Variants in FHIP1A observed in about 807,000 individuals in gnomAD.
The protein encoded by FHIP1A is FHF complex subunit HOOK-interacting protein 1A.
A neutral mutation model predicts 88.6 loss-of-function variants in FHIP1A; 61 were observed. The ratio of observed to expected loss-of-function variants is 0.69; its 90% CI spans 0.56 to 0.85. FHIP1A has a LOEUF of 0.85. Ranked by LOEUF, FHIP1A falls within the 40% of genes least tolerant of loss-of-function variation. FHIP1A has a pLI of 0.00. For synonymous variants in FHIP1A, 478 were observed against 496.0 expected, an observed-to-expected ratio of 0.96 and a Z score of 0.48; for missense variants, 1,154 against 1,273.5, an observed-to-expected ratio of 0.91 and a Z score of 1.43.
chr4:151,638,766 CT>C lies in FHIP1A; in HGVS notation c.1226+16del. On this transcript the variant is annotated intron_variant, in intron 9 of 13. Coordinates refer to ENST00000435205, the MANE Select transcript of FHIP1A (RefSeq NM_001109977.3). The stretch of plus-strand genomic sequence containing the variant: ...TACAGCTAGTTCTAAGGTGAGTTGC[CT>C]TTTTTGTTTCCTTTAAAGAAAAATT... 5 of 1,511,278 alleles carry C rather than the reference CT, an allele frequency of 3.3e-6. No individual in the cohort carries two copies. The highest frequency in any genetic ancestry group is 2.7e-6 in the Non-Finnish European group (3 of 1,117,076). 93.6% of individuals were successfully genotyped at this position (1,511,278 alleles called of 1,614,324 possible). A position where few individuals can be genotyped will look rare whatever the true frequency, so the allele number is the denominator to read the frequency against.
chr4:151,412,665 T>TTC (rs199893682), intron 1 of FHIP1A, among the ~76,000 whole-genome samples: 11,050 of 118,502 alleles, frequency 0.093, 697 homozygotes, highest in African/African-American at 0.11. Context: ...CTTTCTTTCT[T>TTC]TCTCTCTCTC....
chr4:151,583,266 C>T (rs1734089919), intron 5 of FHIP1A, among the ~76,000 whole-genome samples: 1 of 152,212 alleles, frequency 6.6e-6, no homozygotes, highest in Admixed American at 6.5e-5. Flanking sequence ...AATATTTTCT[C>T]CCCTGTTTCT....
At chr4:151,506,617 C>CT (rs1270834858) in intron 3 of FHIP1A, among the ~76,000 whole-genome samples, 3 of 151,936 alleles carry the variant, frequency 2.0e-5, no homozygotes, top group Non-Finnish European at 2.9e-5. Context: ...GAGTACCGGG[C>CT]TTTTTTTAAC....
At chr4:151,507,640 TCTTGG>T (rs1326845845) in intron 3 of FHIP1A, among the ~76,000 whole-genome samples, 1 of 152,242 alleles carries the variant, frequency 6.6e-6, no homozygotes, top group East Asian at 1.9e-4. Flanking sequence ...GGATATGCTT[TCTTGG>T]CTATTAAGTG....
chr4:151,514,409 C>A (rs1408161724), intron 3 of FHIP1A, among the ~76,000 whole-genome samples: 1 of 151,244 alleles, frequency 6.6e-6, no homozygotes, highest in Non-Finnish European at 1.5e-5. Flanking sequence ...GAAGCAAGAG[C>A]AAACACATTC....
At position 151,650,297 on chromosome 4, in the gene FHIP1A, T is replaced by G; in HGVS notation, c.2256T>G (p.Ile752Met). Residue 752 changes from isoleucine to methionine, a missense_variant, in exon 11 of 14, where the codon ATT becomes ATG. Physicochemically the swap from Ile to Met is conservative, Grantham distance 10 (BLOSUM62 1). Coordinates refer to ENST00000435205, the MANE Select transcript of FHIP1A (RefSeq NM_001109977.3). ...CCCACCCGGAGAGCGAGGAGCTCAT[T>G]GCCCAGTATGACCAAATCATTAAAG... ...TAAHPESEEL[I>M]AQYDQIIKEL... The G allele has an allele frequency of 6.4e-7, 1 of 1,551,718 alleles. No individual in the cohort carries two copies. Among genetic ancestry groups the G allele is most frequent in the Non-Finnish European group, 8.7e-7 (1 of 1,146,996 alleles).
chr4:151,429,714 T>C (rs934949790), intron 1 of FHIP1A, among the ~76,000 whole-genome samples: 16 of 151,972 alleles, frequency 1.1e-4, no homozygotes, highest in African/African-American at 3.9e-4. Flanking sequence ...CCAGGTGTAG[T>C]GGCATGTGCC....
At chr4:151,525,993 A>G (rs1219524093) in intron 3 of FHIP1A, among the ~76,000 whole-genome samples, 3 of 152,030 alleles carry the variant, frequency 2.0e-5, no homozygotes, top group Non-Finnish European at 2.9e-5. Context: ...CATCTGTTTA[A>G]CAAAGCACAT....
intron 3 of FHIP1A, among the ~76,000 whole-genome samples, chr4:151,491,427 C>T (rs985498093): frequency 1.1e-4 from 17 of 152,072 alleles, no homozygotes; most frequent in Admixed American, 1.0e-3. Flanking sequence ...AACTCTTTTT[C>T]AGACAAATGC....
chr4:151,656,776 A>G lies in FHIP1A; in HGVS notation c.2747A>G (p.Lys916Arg). The G allele has an allele frequency of 6.4e-7, 1 of 1,551,428 alleles. No homozygotes were observed. Among genetic ancestry groups the G allele is most frequent in the Non-Finnish European group, 8.7e-7 (1 of 1,146,918 alleles). ...TTTTGACAGGTCCTTGCATCTGTGAAAAACAAGATTGAACAGTTTGCTTCT... is the reference window on the plus strand; with the variant it reads ...TTTTGACAGGTCCTTGCATCTGTGAGAAACAAGATTGAACAGTTTGCTTCT... ...RSLYQVLASV[K>R]NKIEQFASVE... The change falls in exon 13 of 14, where the codon AAA becomes AGA. Residue 916 changes from lysine (K) to arginine (R), a missense_variant. Coordinates refer to ENST00000435205, the MANE Select transcript of FHIP1A (RefSeq NM_001109977.3). This position sits in a 1 kb window ranked among gnomAD's most constrained non-coding sequence, Gnocchi z 4.2.
rs1217792211 is a variant in FHIP1A at position 151,577,940 on chromosome 4, C to T, written c.596C>T (p.Ser199Phe). ...DQGAANFLIF[S>F]LLIPFIHREG... ...GGCGCTGCCAACTTCCTCATCTTCT[C>T]CCTTCTGATTCCCTTCATTCACCGA... The change falls in exon 5 of 14, where the codon TCC becomes TTC. Residue 199 changes from serine (S) to phenylalanine (F), a missense_variant. By Grantham distance (155) the Ser-to-Phe change is radical. Transcript: ENST00000435205. The T allele has an allele frequency of 1.3e-6, 2 of 1,551,620 alleles. No homozygotes were observed. Among genetic ancestry groups the T allele is most frequent in the South Asian group, 2.4e-5 (2 of 84,030 alleles).
chr4:151,546,005 T>C (rs769251725), intron 3 of FHIP1A, among the ~76,000 whole-genome samples: 10 of 152,116 alleles, frequency 6.6e-5, no homozygotes. Context: ...CTTCTGGGTG[T>C]GTCTGTGCGG....
intron 3 of FHIP1A, among the ~76,000 whole-genome samples, chr4:151,518,902 G>A (rs749068298): frequency 6.6e-6 from 1 of 151,882 alleles, no homozygotes; most frequent in Non-Finnish European, 1.5e-5. Flanking sequence ...GGCTGGTCTC[G>A]AGGTCTCAAA....
chr4:151,530,237 C>T (rs1244915520), intron 3 of FHIP1A, among the ~76,000 whole-genome samples: 1 of 152,090 alleles, frequency 6.6e-6, no homozygotes, highest in African/African-American at 2.4e-5. Flanking sequence ...CCTGTCAGTC[C>T]TGCTCATTTG....
chr4:151,413,485 C>T (rs937690154), intron 1 of FHIP1A, among the ~76,000 whole-genome samples: 1 of 152,050 alleles, frequency 6.6e-6, no homozygotes, highest in African/African-American at 2.4e-5. Context: ...GGCAGAGTCT[C>T]GCTCTGTTGC....
At chr4:151,467,711 C>T (rs1234174306) in intron 2 of FHIP1A, among the ~76,000 whole-genome samples, 1 of 152,110 alleles carries the variant, frequency 6.6e-6, no homozygotes, top group Non-Finnish European at 1.5e-5. Flanking sequence ...CCATCATCCT[C>T]AGCAAACTAA....
At chr4:151,653,178 A>G (rs1393679879) in intron 11 of FHIP1A, among the ~76,000 whole-genome samples, 2 of 152,216 alleles carry the variant, frequency 1.3e-5, no homozygotes, top group Admixed American at 6.5e-5. Flanking sequence ...AGCATTGTTT[A>G]GAATAGGAAA....
intron 1 of FHIP1A, among the ~76,000 whole-genome samples, chr4:151,437,315 A>G (rs1277987934): frequency 6.6e-6 from 1 of 152,070 alleles, no homozygotes; most frequent in Non-Finnish European, 1.5e-5. Flanking sequence ...GTGTTTGAAA[A>G]TATAGCATAA....
chr4:151,577,851 C>A lies in FHIP1A; in HGVS notation c.507C>A (p.Leu169=). 6.4e-7 allele frequency: 1 copy of A among 1,552,004 alleles called. No individual in the cohort carries two copies. The highest frequency in any genetic ancestry group is 8.7e-7 in the Non-Finnish European group (1 of 1,147,042). ...EEKLVVLLNQ[L]CSILAKDPSI... is the part of the protein sequence containing the mutation. The stretch of plus-strand genomic sequence containing the variant: ...AGCTGGTTGTCCTACTCAATCAGCT[C>A]TGTTCCATTCTTGCCAAAGATCCAT... The change falls in exon 5 of 14, where the codon CTC becomes CTA. Residue 169 remains leucine (L), a synonymous_variant. Coordinates refer to ENST00000435205, the MANE Select transcript of FHIP1A (RefSeq NM_001109977.3).
Sources: gnomAD v4.1 joint callset for allele counts (sites outside exome capture counted in the v4.1 genomes callset) on GRCh38, gnomAD v4.1.1 for gene constraint, Gnocchi (gnomAD v3.1) non-coding constraint, MANE v1.5 for transcripts, NCBI Gene and HGNC (gene_info 2026-07-23, HGNC 2026-07-21) for gene names.